The following VPS41 variants were observed in gnomAD, a reference collection of about 807,000 sequenced individuals.
The protein encoded by VPS41 is vacuolar protein sorting-associated protein 41 homolog.
Under a neutral mutation model 130.9 loss-of-function variants are expected in VPS41, and 85 were observed. The ratio of observed to expected loss-of-function variants is 0.65; its 90% CI spans 0.55 to 0.78. The LOEUF (loss-of-function observed/expected upper bound fraction) is 0.78, where lower values mean the gene tolerates loss of function less well. Ranked by LOEUF, VPS41 falls within the 30% of genes least tolerant of loss-of-function variation. VPS41 has a pLI of 0.00. For missense variants in VPS41, 874 were observed against 1,018.7 expected, an observed-to-expected ratio of 0.86 and a Z score of 1.93; for synonymous variants, 335 against 332.9, an observed-to-expected ratio of 1.01 and a Z score of -0.07.
At chr7:38,820,916 T>C (rs929227340) in intron 6 of VPS41, among the ~76,000 whole-genome samples, 9 of 152,120 alleles carry the variant, frequency 5.9e-5, no homozygotes, top group Non-Finnish European at 4.4e-5. Flanking sequence ...CTTTGAGTCT[T>C]TTACCACAGA....
At chr7:38,829,341 C>T (rs918604199) in intron 5 of VPS41, among the ~76,000 whole-genome samples, 10 of 152,162 alleles carry the variant, frequency 6.6e-5, no homozygotes, top group Non-Finnish European at 1.0e-4. Flanking sequence ...TCTTTTACAC[C>T]GGGTATACTG....
At chr7:38,831,523 C>T (rs918075267) in intron 4 of VPS41, among the ~76,000 whole-genome samples, 3 of 152,236 alleles carry the variant, frequency 2.0e-5, no homozygotes, top group Non-Finnish European at 2.9e-5. Flanking sequence ...GTAACTAAGA[C>T]ATCAAGCCTT....
intron 27 of VPS41, among the ~76,000 whole-genome samples, chr7:38,727,760 T>C (rs1795577197): frequency 6.6e-6 from 1 of 152,156 alleles, no homozygotes; most frequent in South Asian, 2.1e-4. Flanking sequence ...GTCAACTAGG[T>C]CTTTTAGTAC....
chr7:38,906,469 C>T (rs192868765), intron 1 of VPS41, among the ~76,000 whole-genome samples: 1 of 152,152 alleles, frequency 6.6e-6, no homozygotes, highest in Non-Finnish European at 1.5e-5. Context: ...CTCAGCCTCC[C>T]GAGTAGCTGG....
At chr7:38,875,161 T>C (rs542151741) in intron 2 of VPS41, among the ~76,000 whole-genome samples, 7 of 152,302 alleles carry the variant, frequency 4.6e-5, no homozygotes, top group African/African-American at 1.7e-4. Flanking sequence ...TTCCAGTCAC[T>C]ATCACAGGAT....
chr7:38,873,735 C>T (rs1222600590), intron 2 of VPS41, among the ~76,000 whole-genome samples: 2 of 152,150 alleles, frequency 1.3e-5, no homozygotes, highest in East Asian at 3.8e-4. Flanking sequence ...CCTCAACTCA[C>T]ATAGATTTTT....
intron 2 of VPS41, among the ~76,000 whole-genome samples, chr7:38,887,457 AG>A (rs1310953740): frequency 6.6e-6 from 1 of 152,230 alleles, no homozygotes; most frequent in African/African-American, 2.4e-5. Context: ...AGTGAAACAA[AG>A]CAAGAAGACA....
chr7:38,797,752 C>T (rs1044594744), intron 7 of VPS41, among the ~76,000 whole-genome samples: 3 of 152,102 alleles, frequency 2.0e-5, no homozygotes, highest in African/African-American at 4.8e-5. Flanking sequence ...CTCTACCCAC[C>T]CCAAAAGAGG....
At chr7:38,909,010 C>G in intron 1 of VPS41, 144 bp downstream of exon 1, 2 of 1,006,706 alleles carry the variant, frequency 2.0e-6, no homozygotes, top group Admixed American at 1.8e-5. Flanking sequence ...AACCAACTTT[C>G]GCCATCCCAC....
At chr7:38,845,063 G>A (rs1374167599) in intron 4 of VPS41, among the ~76,000 whole-genome samples, 2 of 152,110 alleles carry the variant, frequency 1.3e-5, no homozygotes, top group African/African-American at 4.8e-5. Context: ...GATTTGAAGG[G>A]TTTGCCTCCT....
intron 4 of VPS41, among the ~76,000 whole-genome samples, chr7:38,837,848 T>G (rs1367445788): frequency 1.3e-5 from 2 of 152,242 alleles, no homozygotes; most frequent in African/African-American, 2.4e-5. Flanking sequence ...CTTTCTATGC[T>G]TTACTAGATT....
intron 4 of VPS41, among the ~76,000 whole-genome samples, chr7:38,856,907 T>C (rs994603771): frequency 1.3e-5 from 2 of 152,152 alleles, no homozygotes; most frequent in African/African-American, 4.8e-5. Flanking sequence ...AGATAAAAAT[T>C]ACTAGAGAGG....
chr7:38,821,442 C>T (rs1219494813), intron 5 of VPS41, among the ~76,000 whole-genome samples, 177 bp from the exon 6 acceptor site: 1 of 152,148 alleles, frequency 6.6e-6, no homozygotes, highest in Non-Finnish European at 1.5e-5. Context: ...GTGGCTCACG[C>T]CTGTAATCCC....
At chr7:38,761,895 T>G (rs1475094369) in intron 17 of VPS41, among the ~76,000 whole-genome samples, 1 of 152,122 alleles carries the variant, frequency 6.6e-6, no homozygotes, top group East Asian at 1.9e-4. Context: ...CCTGTTTTCT[T>G]AAGACTATAT....
intron 1 of VPS41, among the ~76,000 whole-genome samples, 181 bp downstream of exon 1, chr7:38,908,973 G>C (rs1034539230): frequency 6.6e-6 from 1 of 152,108 alleles, no homozygotes; most frequent in East Asian, 1.9e-4. Flanking sequence ...GTGCCCTCCC[G>C]GGGCTGGCAT....
intron 25 of VPS41, among the ~76,000 whole-genome samples, chr7:38,730,375 G>A (rs890100292): frequency 5.3e-5 from 8 of 152,114 alleles, no homozygotes; most frequent in South Asian, 2.1e-4. Flanking sequence ...GAATCCAGCC[G>A]AAAGCCTTTT....
chr7:38,801,346 T>C (rs1424798027), intron 7 of VPS41, among the ~76,000 whole-genome samples: 1 of 152,218 alleles, frequency 6.6e-6, no homozygotes, highest in Admixed American at 6.5e-5. Flanking sequence ...GGGCTAAAAA[T>C]TAACCTCTGT....
Position 38,742,257 on chromosome 7 carries a change from T to C in VPS41, c.2123-136A>G. The C allele has an allele frequency of 7.7e-6, 6 of 780,328 alleles. 1 individual carries two copies. The South Asian group carries it at 8.3e-5, about 11-fold the overall frequency. 48.3% of individuals were successfully genotyped at this position (780,328 alleles called of 1,614,324 possible). ...AAATTATTTCCTTCAAAGTAAGTGT[T>C]AAAACCATTTGAATTTCTAAACTCT... On this transcript the variant is annotated intron_variant, in intron 24 of 28. Transcript: ENST00000310301.
chr7:38,771,239 C>T lies in VPS41; in HGVS notation c.1144G>A (p.Ala382Thr), dbSNP rs1242282618. The T allele has an allele frequency of 1.9e-6, 3 of 1,599,216 alleles. No homozygotes were observed. The highest frequency in any genetic ancestry group is 2.2e-5 in the South Asian group (2 of 90,302). Residue 382 changes from alanine to threonine, a missense_variant, in exon 14 of 29, where the codon GCT becomes ACT. By Grantham distance (58) the Ala-to-Thr change is moderately conservative. Coordinates refer to ENST00000310301, the MANE Select transcript of VPS41 (RefSeq NM_014396.4). ...KKKYEEALMA[A>T]EISQKNIKRH... ...TTAATATTTTTTTGGCTAATTTCAG[C>T]TGCCATCAATGCTTCCTTTATTCCA...
Sources: gnomAD v4.1 joint callset for allele counts (sites outside exome capture counted in the v4.1 genomes callset) on GRCh38, gnomAD v4.1.1 for gene constraint, MANE v1.5 for transcripts, NCBI Gene and HGNC (gene_info 2026-07-23, HGNC 2026-07-21) for gene names.